Variants in KRAS observed in about 807,000 individuals in gnomAD.
KRAS encodes the protein KRas proto-oncogene, GTPase.
Under a neutral mutation model 21.0 loss-of-function variants are expected in KRAS, and 1 was observed. That is an observed-to-expected ratio of 0.05 (90% CI 0.02 to 0.23). The LOEUF is 0.23. KRAS is among the 10% of genes least tolerant of loss of function. The probability of loss-of-function intolerance (pLI) is 1.00; values close to 1 mark genes in which losing one functional copy is unlikely to be tolerated. For missense variants in KRAS, 107 were observed against 221.8 expected, an observed-to-expected ratio of 0.48 and a Z score of 3.29; for synonymous variants, 67 against 72.5, an observed-to-expected ratio of 0.92 and a Z score of 0.39.
chr12:25,216,766 C>T (rs1357171831), intron 4 of KRAS, among the ~76,000 whole-genome samples: 1 of 152,110 alleles, frequency 6.6e-6, no homozygotes, highest in Non-Finnish European at 1.5e-5. Flanking sequence ...GAAAATTAGG[C>T]AGTCATCAAA....
chr12:25,215,540 A>G (rs866979998), intron 4 of KRAS: 4 of 1,611,764 alleles, frequency 2.5e-6, no homozygotes, highest in Middle Eastern at 3.3e-4. Flanking sequence ...TCACCAATGT[A>G]TAAAAAGCAT....
Position 25,205,301 on chromosome 12 carries a change from C to T in KRAS, c.*4494G>A, listed in dbSNP as rs1436104941. The T allele has an allele frequency of 9.4e-6, 2 of 213,784 alleles. No homozygotes were observed. Among genetic ancestry groups the T allele is most frequent in the Non-Finnish European group, 1.9e-5 (2 of 105,758 alleles). 13.2% of individuals were successfully genotyped at this position (213,784 alleles called of 1,614,324 possible). ...TAATTAGGAGTAGTACAGTTCATGA[C>T]AAAAATATTACAAATTTTAGATCAC... On this transcript the variant is annotated 3_prime_UTR_variant, in exon 5 of 5. Coordinates refer to ENST00000311936, the MANE Select transcript of KRAS (RefSeq NM_004985.5).
At chr12:25,215,261 ATAAT>A in intron 4 of KRAS, 4 of 760,874 alleles carry the variant, frequency 5.3e-6, no homozygotes, top group Non-Finnish European at 4.8e-6. Context: ...TGTCTCAATT[ATAAT>A]TAATTCCCAC....
chr12:25,228,178 C>CATTTTTTT (rs1951417926), intron 2 of KRAS, among the ~76,000 whole-genome samples: 2 of 76,778 alleles, frequency 2.6e-5, no homozygotes, highest in African/African-American at 1.0e-4. Flanking sequence ...TTTCTTTCAT[C>CATTTTTTT]TTTTTTTTTT....
intron 2 of KRAS, among the ~76,000 whole-genome samples, chr12:25,237,705 A>C (rs1951561566): frequency 6.6e-6 from 1 of 152,174 alleles, no homozygotes; most frequent in Non-Finnish European, 1.5e-5. Context: ...AAGTAGGTAA[A>C]ACTGCATACA....
At chr12:25,245,893 T>C (rs1311878387) in intron 1 of KRAS, among the ~76,000 whole-genome samples, 10 of 152,184 alleles carry the variant, frequency 6.6e-5, no homozygotes, top group Admixed American at 6.6e-4. Context: ...GAAAAACTTT[T>C]AAAGCATCAT....
At chr12:25,247,519 A>T (rs1951699378) in intron 1 of KRAS, among the ~76,000 whole-genome samples, 2 of 152,180 alleles carry the variant, frequency 1.3e-5, no homozygotes, top group African/African-American at 4.8e-5. Context: ...AGGCCAAAGC[A>T]ATTAGGAATA....
At chr12:25,220,344 A>G (rs1951304900) in intron 4 of KRAS, among the ~76,000 whole-genome samples, 1 of 152,260 alleles carries the variant, frequency 6.6e-6, no homozygotes, top group South Asian at 2.1e-4. Context: ...AGTGTAAAGA[A>G]TATGTAACGC....
chr12:25,213,925 A>G (rs753242528), intron 4 of KRAS, among the ~76,000 whole-genome samples: 4 of 152,246 alleles, frequency 2.6e-5, no homozygotes, highest in Non-Finnish European at 1.5e-5. Flanking sequence ...ATGTCCCAGG[A>G]ACCTTACTAG....
chr12:25,209,976 A>G (rs1951185661), intron 4 of KRAS, 65 bp from the exon 5 acceptor site: 1 of 1,186,952 alleles, frequency 8.4e-7, no homozygotes, highest in African/African-American at 1.6e-5. Flanking sequence ...CAGGTAACAA[A>G]TTTCATTAAT....
intron 2 of KRAS, chr12:25,234,786 G>A (rs1951523417): frequency 5.0e-6 from 1 of 200,010 alleles, no homozygotes; most frequent in South Asian, 1.9e-4. Flanking sequence ...ATTATTCAGT[G>A]TGTTCACCTT....
rs530210418 is a variant in KRAS, at chr12:25,230,419, G to A, written c.112-3007C>T. ...CAAGGTGGGCAGATCACCTGAGGTC[G>A]GGAGTTTGAGATCAGCCTGACCAAC... On this transcript the variant is annotated intron_variant, in intron 2 of 4. Transcript: ENST00000311936. Among the ~76,000 whole-genome samples the A allele has an allele frequency of 5.3e-5, 8 of 152,126 alleles. No individual in the cohort carries two copies. The East Asian group carries it at 1.2e-3, about 22-fold the overall frequency.
At chr12:25,243,676 C>G (rs1951639484) in intron 2 of KRAS, among the ~76,000 whole-genome samples, 2 of 152,116 alleles carry the variant, frequency 1.3e-5, no homozygotes, top group Non-Finnish European at 2.9e-5. Flanking sequence ...GTAAAATCAC[C>G]TTCCAAAATC....
intron 2 of KRAS, among the ~76,000 whole-genome samples, chr12:25,232,970 T>G (rs11047911): frequency 0.22 from 33,068 of 151,722 alleles, 4,188 homozygotes; most frequent in African/African-American, 0.36. Context: ...AAATATGTGG[T>G]TTTTTTTTAA....
intron 1 of KRAS, among the ~76,000 whole-genome samples, chr12:25,249,796 G>A (rs144282142): frequency 1.2e-4 from 18 of 152,192 alleles, no homozygotes; most frequent in African/African-American, 3.9e-4. Flanking sequence ...ATAAGAAATA[G>A]GGGAAAGGAC....
intron 4 of KRAS, among the ~76,000 whole-genome samples, chr12:25,219,341 A>C (rs1404201012): frequency 6.6e-6 from 1 of 152,202 alleles, no homozygotes; most frequent in African/African-American, 2.4e-5. Flanking sequence ...TAAATATGTA[A>C]ATTTTTTAAA....
chr12:25,230,987 G>A (rs1204810236), intron 2 of KRAS, among the ~76,000 whole-genome samples: 2 of 151,944 alleles, frequency 1.3e-5, no homozygotes, highest in African/African-American at 2.4e-5. Flanking sequence ...GCAGGAGGTG[G>A]GAGCAAAGCA....
intron 2 of KRAS, among the ~76,000 whole-genome samples, chr12:25,228,913 G>C (rs1300822127): frequency 6.6e-6 from 1 of 152,118 alleles, no homozygotes; most frequent in Non-Finnish European, 1.5e-5. Context: ...CAAAATATTA[G>C]CCGGGCGTGG....
chr12:25,212,810 A>T (rs1194203953), intron 4 of KRAS, among the ~76,000 whole-genome samples: 1 of 151,576 alleles, frequency 6.6e-6, no homozygotes, highest in Non-Finnish European at 1.5e-5. Context: ...CTGGTCTTAA[A>T]CTCCTGGCCT....
Sources: allele counts gnomAD v4.1 joint callset (sites outside exome capture counted in the v4.1 genomes callset), GRCh38; gene constraint gnomAD v4.1.1; transcripts MANE v1.5; gene names NCBI Gene and HGNC (gene_info 2026-07-23, HGNC 2026-07-21).